CCNH: variants seen among roughly 807,000 people sequenced by gnomAD.
CCNH encodes cyclin H, also known as cyclin-H.
CCNH carries 31 observed loss-of-function variants against 41.9 expected under a neutral mutation model. The ratio of observed to expected loss-of-function variants is 0.74; its 90% CI spans 0.56 to 1.00. The LOEUF is 1.00. Among genes scored for constraint, CCNH ranks in the 50% least tolerant of loss-of-function variants. CCNH has a pLI of 0.00. For synonymous variants in CCNH, 138 were observed against 136.1 expected, an observed-to-expected ratio of 1.01 and a Z score of -0.10; for missense variants, 362 against 388.4, an observed-to-expected ratio of 0.93 and a Z score of 0.57.
chr5:87,338,536 A>ATATATATATATATATATTTTTTTTTT, intron 9 of CCNH, among the ~76,000 whole-genome samples: 1 of 85,212 alleles, frequency 1.2e-5, no homozygotes, highest in African/African-American at 4.4e-5. Context: ...TATATATAAA[A>ATATATATATATATATATTTTTTTTTT]TTTTTTTTTT....
intron 9 of CCNH, among the ~76,000 whole-genome samples, chr5:87,367,137 T>C (rs947725465): frequency 6.6e-6 from 1 of 152,160 alleles, no homozygotes; most frequent in African/African-American, 2.4e-5. Flanking sequence ...AGAGAAGCAC[T>C]TAGTGAGAAA....
chr5:87,350,668 A>G (rs982009247), intron 9 of CCNH, among the ~76,000 whole-genome samples: 1 of 151,526 alleles, frequency 6.6e-6, no homozygotes, highest in African/African-American at 2.4e-5. Flanking sequence ...GAAGTATTTT[A>G]AGTAGATTTC....
chr5:87,331,420 T>C lies in CCNH; in HGVS notation c.*91-12523A>G, dbSNP rs377014568. ...GGCAGGCAGGGAAGTCTGGCAGTTA[T>C]CTTATAAGAGAGAGTGATCGGAGGC... On this transcript the variant is annotated intron_variant and NMD_transcript_variant, in intron 9 of 9. Coordinates refer to the CCNH transcript ENST00000645953. 4.6e-4 allele frequency: 750 copies of C among 1,613,848 alleles called. 13 individuals are homozygous for C. The South Asian group carries it at 7.8e-3, about 17-fold the overall frequency.
At chr5:87,328,448 T>G (rs1757391286) in intron 9 of CCNH, among the ~76,000 whole-genome samples, 1 of 152,228 alleles carries the variant, frequency 6.6e-6, no homozygotes, top group Non-Finnish European at 1.5e-5. Context: ...CTTGTATTTC[T>G]TTGTAATTTT....
At position 87,404,894 on chromosome 5, in the gene CCNH, G is replaced by A; in HGVS notation, c.639C>T (p.Ala213=). The A allele has an allele frequency of 1.9e-6, 3 of 1,613,462 alleles. No individual in the cohort carries two copies. Residue 213 remains alanine, a synonymous_variant, in exon 5 of 9, where the codon GCC becomes GCT. Coordinates refer to ENST00000256897, the MANE Select transcript of CCNH (RefSeq NM_001239.4). The part of the protein sequence containing the change: ...AYLLYTPSQI[A]LTAILSSASR... The stretch of plus-strand genomic sequence containing the variant: ...AGGCACTAGATAAAATGGCAGTCAG[G>A]GCAATTTGGGAAGGTGTGTATAAAA...
chr5:87,386,999 C>T (rs1370987097), downstream of CCNH: 44 of 1,176,646 alleles, frequency 3.7e-5, no homozygotes, highest in Non-Finnish European at 5.3e-5. Flanking sequence ...GATTTTCTAT[C>T]CAAAACTAAA....
chr5:87,402,056 A>G (rs1288369923), intron 5 of CCNH, among the ~76,000 whole-genome samples: 1 of 152,224 alleles, frequency 6.6e-6, no homozygotes, highest in Non-Finnish European at 1.5e-5. Context: ...ATATCTTTTA[A>G]TATAGAAGCC....
intron 4 of CCNH, 107 bp from the exon 5 acceptor site, chr5:87,405,114 T>C: frequency 1.3e-6 from 1 of 763,482 alleles, no homozygotes; most frequent in Non-Finnish European, 2.2e-6. Flanking sequence ...CTATAACATA[T>C]CTAAAGTTCC....
intron 9 of CCNH, among the ~76,000 whole-genome samples, chr5:87,367,839 A>G (rs1018016850): frequency 6.6e-6 from 1 of 152,022 alleles, no homozygotes; most frequent in South Asian, 2.1e-4. Context: ...TGTCATTCAA[A>G]TTGTTTCTGT....
downstream of CCNH, among the ~76,000 whole-genome samples, chr5:87,387,148 A>AT (rs142617920): frequency 6.6e-6 from 1 of 152,188 alleles, no homozygotes; most frequent in Non-Finnish European, 1.5e-5. Flanking sequence ...TACTTCCATC[A>AT]TTTTTTAGGG....
chr5:87,358,960 C>G (rs1423507063), intron 9 of CCNH, among the ~76,000 whole-genome samples: 1 of 152,036 alleles, frequency 6.6e-6, no homozygotes, highest in South Asian at 2.1e-4. Flanking sequence ...GACACTTTAC[C>G]TAGACACCTT....
At chr5:87,398,631 T>TTA (rs1207472308) in intron 7 of CCNH, among the ~76,000 whole-genome samples, 2 of 152,052 alleles carry the variant, frequency 1.3e-5, no homozygotes, top group Non-Finnish European at 2.9e-5. Context: ...TTAAGAGACA[T>TTA]TAAAGGTGTT....
upstream of CCNH, chr5:87,378,343 T>A: frequency 6.3e-7 from 1 of 1,588,752 alleles, no homozygotes. Context: ...TCCAATTTGG[T>A]CACATTAGGT....
chr5:87,394,451 G>C lies in CCNH; in HGVS notation c.967C>G (p.Leu323Val). Reference protein sequence around the residue: ...EWTDDDLVESL With the variant: ...EWTDDDLVESV ...GAGAAATCAACTTCAAATGGTTAGA[G>C]AGATTCTACCAGGTCGTCATCAGTC... Residue 323 changes from leucine (L) to valine (V), a missense_variant, in exon 9 of 9, where the codon CTC (leucine) becomes GTC (valine). By Grantham distance (32) the Leu-to-Val change is conservative. Coordinates refer to ENST00000256897, the MANE Select transcript of CCNH (RefSeq NM_001239.4). 2 of 1,612,848 alleles carry C rather than the reference G, an allele frequency of 1.2e-6. No individual in the cohort carries two copies. The highest frequency in any genetic ancestry group is 1.3e-5 in the African/African-American group (1 of 75,014).
chr5:87,320,054 A>G (rs1470667141), intron 9 of CCNH, among the ~76,000 whole-genome samples: 1 of 152,184 alleles, frequency 6.6e-6, no homozygotes, highest in Non-Finnish European at 1.5e-5. Flanking sequence ...TCTCTAGGGC[A>G]GGGGCACAAT....
intron 9 of CCNH, chr5:87,346,795 A>T (rs1758895254): frequency 8.1e-7 from 1 of 1,229,844 alleles, no homozygotes; most frequent in East Asian, 2.4e-5. Flanking sequence ...ACCATTTATC[A>T]TGTGTTTTGC....
At position 87,331,351 on chromosome 5, in the gene CCNH, G is replaced by A. The variant is rs772301300; in HGVS notation, c.*91-12454C>T. ...ATCTTCTCTGTTTTTCCCCTAGGTG[G>A]TATCACGGAAAACTTGACAGAACGA... is the stretch of plus-strand genomic sequence containing the variant. On this transcript the variant is annotated intron_variant and NMD_transcript_variant, in intron 9 of 9. Transcript: ENST00000645953. 1 of 1,603,716 alleles carries A rather than the reference G, an allele frequency of 6.2e-7. No homozygotes were observed.
At chr5:87,393,401 A>T (rs1048529639), downstream of CCNH, 1 of 152,192 alleles carries the variant, frequency 6.6e-6, no homozygotes, top group African/African-American at 2.4e-5. Context: ...GTACTATTCT[A>T]ATTAATCCTA....
At chr5:87,402,572 TAGAA>T (rs3093812) in intron 5 of CCNH, among the ~76,000 whole-genome samples, 2 of 152,112 alleles carry the variant, frequency 1.3e-5, no homozygotes, top group Admixed American at 6.5e-5. Flanking sequence ...GTTAGAAAAA[TAGAA>T]AGCAATGCTT....
Sources: allele counts gnomAD v4.1 joint callset (sites outside exome capture counted in the v4.1 genomes callset), GRCh38; gene constraint gnomAD v4.1.1; transcripts MANE v1.5; gene names NCBI Gene and HGNC (gene_info 2026-07-23, HGNC 2026-07-21).